Variants in INPP4A observed in about 807,000 individuals in gnomAD.
INPP4A encodes the protein inositol polyphosphate-4-phosphatase, type I, 107kD.
INPP4A carries 33 observed loss-of-function variants against 119.8 expected under a neutral mutation model. The ratio of observed to expected loss-of-function variants is 0.28; its 90% CI spans 0.21 to 0.37. The LOEUF is 0.37. Among genes scored for constraint, INPP4A ranks in the 10% least tolerant of loss-of-function variants. INPP4A has a pLI of 1.00. For synonymous variants in INPP4A, 496 were observed against 500.7 expected (o/e 0.99, Z 0.12); for missense variants, 956 against 1,289.9 (o/e 0.74, Z 3.97).
At chr2:98,448,862 C>T (rs1279055883) in intron 1 of INPP4A, among the ~76,000 whole-genome samples, 1 of 152,014 alleles carries the variant, frequency 6.6e-6, no homozygotes, top group Non-Finnish European at 1.5e-5. Context: ...GCCATTGCAC[C>T]TGGCCAATTT....
At chr2:98,564,848 A>G (rs1231027785) in intron 19 of INPP4A, 85 bp downstream of exon 19, 5 of 1,420,346 alleles carry the variant, frequency 3.5e-6, no homozygotes, top group East Asian at 5.1e-5. Context: ...TCACTATACC[A>G]GTAATGCGTG....
At chr2:98,541,049 C>G (rs1431728288) in intron 10 of INPP4A, among the ~76,000 whole-genome samples, 1 of 152,182 alleles carries the variant, frequency 6.6e-6, no homozygotes, top group Admixed American at 6.5e-5. Context: ...GGCAAGAGGC[C>G]AGGCGCAGTG....
intron 1 of INPP4A, among the ~76,000 whole-genome samples, chr2:98,473,550 G>A (rs546066808): frequency 7.9e-5 from 12 of 152,230 alleles, no homozygotes; most frequent in African/African-American, 2.9e-4. Context: ...ACACCGTGTG[G>A]TGGGCCACCT....
chr2:98,510,090 T>C (rs143327891), intron 1 of INPP4A, among the ~76,000 whole-genome samples: 76 of 152,284 alleles, frequency 5.0e-4, no homozygotes, highest in African/African-American at 1.7e-3. Context: ...GTCATTGCAG[T>C]TGGACACAGA....
intron 23 of INPP4A, 134 bp downstream of exon 23, chr2:98,573,061 C>A (rs113354152): frequency 1.5e-6 from 1 of 668,472 alleles, no homozygotes; most frequent in African/African-American, 1.8e-5. Flanking sequence ...TCACTGAGTA[C>A]GTTCTGAAGC....
rs1444345347 is a variant in INPP4A, at chr2:98,555,770, C to T, written c.1784C>T (p.Thr595Ile). The T allele has an allele frequency of 1.5e-5, 24 of 1,578,248 alleles. No homozygotes were observed. The highest frequency in any genetic ancestry group is 2.3e-5 in the East Asian group (1 of 42,836). The change falls in exon 16 of 25, where the codon ACC (threonine) becomes ATC (isoleucine). Residue 595 changes from threonine to isoleucine, a missense_variant. Around this residue, in one of 2 missense-constraint regions of INPP4A, gnomAD observed 652 missense variants for 797.9 expected, o/e 0.82. Transcript: ENST00000409851. ...CDVPSSPCPSTMPSTACHPHL... is the reference protein window; with the variant it reads ...CDVPSSPCPSIMPSTACHPHL... ...GTCCCCTCCTCACCATGCCCCTCCA[C>T]CATGCCCTCCACTGCATGCCATCCT...
At chr2:98,536,255 T>C (rs562900357) in intron 7 of INPP4A, 47 bp downstream of exon 7, 1 of 1,206,724 alleles carries the variant, frequency 8.3e-7, no homozygotes, top group African/African-American at 1.5e-5. Context: ...AATCATGAGG[T>C]CCAGGGACAG....
chr2:98,551,883 A>G (rs1488066879), intron 13 of INPP4A, among the ~76,000 whole-genome samples: 1 of 152,196 alleles, frequency 6.6e-6, no homozygotes, highest in Non-Finnish European at 1.5e-5. Context: ...ATAATATTGG[A>G]TTGATTGGGA....
intron 24 of INPP4A, among the ~76,000 whole-genome samples, chr2:98,584,166 GGCATGTT>G (rs1489225986): frequency 2.6e-5 from 4 of 152,226 alleles, no homozygotes; most frequent in African/African-American, 9.7e-5. Flanking sequence ...TTATTTGAAA[GGCATGTT>G]TGCCATGTTT....
chr2:98,544,098 C>A, intron 11 of INPP4A, 91 bp downstream of exon 11: 1 of 1,229,988 alleles, frequency 8.1e-7, no homozygotes, highest in Non-Finnish European at 1.1e-6. Context: ...CTCTGCTTTC[C>A]CAGCCAGGGA....
intron 1 of INPP4A, among the ~76,000 whole-genome samples, chr2:98,496,377 A>T (rs1681942639): frequency 6.6e-6 from 1 of 152,212 alleles, no homozygotes; most frequent in African/African-American, 2.4e-5. Context: ...AATTAACTCA[A>T]AATCAATTAA....
intron 24 of INPP4A, 32 bp from the exon 25 acceptor site, chr2:98,587,443 TG>T: frequency 6.5e-7 from 1 of 1,542,752 alleles, no homozygotes; most frequent in Non-Finnish European, 8.7e-7. Flanking sequence ...CCTTTTTTAC[TG>T]CCGTCATTTC....
intron 18 of INPP4A, 127 bp downstream of exon 18, chr2:98,563,764 G>A (rs529736183): frequency 1.6e-4 from 140 of 888,812 alleles, no homozygotes; most frequent in Non-Finnish European, 2.4e-4. Context: ...CCTCCTGGTG[G>A]TGCTTTAAAG....
At chr2:98,467,511 C>T (rs1675043931) in intron 1 of INPP4A, among the ~76,000 whole-genome samples, 1 of 152,238 alleles carries the variant, frequency 6.6e-6, no homozygotes, top group Non-Finnish European at 1.5e-5. Flanking sequence ...GCGACACCGT[C>T]CACATGTGGG....
chr2:98,507,442 T>C (rs545145875), intron 1 of INPP4A, among the ~76,000 whole-genome samples: 6 of 152,314 alleles, frequency 3.9e-5, no homozygotes, highest in Admixed American at 3.9e-4. Flanking sequence ...AAACACGTGC[T>C]GTAGGGAAAT....
At chr2:98,494,026 A>T (rs945257045) in intron 1 of INPP4A, among the ~76,000 whole-genome samples, 6 of 152,242 alleles carry the variant, frequency 3.9e-5, no homozygotes, top group Admixed American at 3.3e-4. Context: ...TATTCAAGAA[A>T]ATCTGCTAGA....
At chr2:98,538,472 C>T (rs1690746080) in intron 8 of INPP4A, among the ~76,000 whole-genome samples, 1 of 152,204 alleles carries the variant, frequency 6.6e-6, no homozygotes, top group Non-Finnish European at 1.5e-5. Flanking sequence ...TGCATAGTCT[C>T]TCACACAGAC....
intron 23 of INPP4A, among the ~76,000 whole-genome samples, chr2:98,573,646 A>C (rs1697889113): frequency 6.6e-6 from 1 of 152,176 alleles, no homozygotes; most frequent in Admixed American, 6.5e-5. Flanking sequence ...CAGAGGGTCC[A>C]GCCCTCCACA....
intron 1 of INPP4A, among the ~76,000 whole-genome samples, chr2:98,515,952 A>G (rs17032866): frequency 0.27 from 41,792 of 152,114 alleles, 5,792 homozygotes; most frequent in Middle Eastern, 0.35. Context: ...GAGGGGTCAC[A>G]TGAGTGCGCA....
Sources: allele counts gnomAD v4.1 joint callset (sites outside exome capture counted in the v4.1 genomes callset), GRCh38; gene constraint gnomAD v4.1.1; regional missense constraint gnomAD v4.1.1; transcripts MANE v1.5; gene names NCBI Gene and HGNC (gene_info 2026-07-23, HGNC 2026-07-21).